COL24A1: variants seen among roughly 807,000 people sequenced by gnomAD.
COL24A1 encodes the protein collagen alpha-1(XXIV) chain.
A neutral mutation model predicts 253.9 loss-of-function variants in COL24A1; 224 were observed. The ratio of observed to expected loss-of-function variants is 0.88; its 90% CI spans 0.79 to 0.99. COL24A1 has a LOEUF of 0.99. Among genes scored for constraint, COL24A1 ranks in the 50% least tolerant of loss-of-function variants. COL24A1 has a pLI of 0.00. For synonymous variants in COL24A1, 685 were observed against 673.7 expected, an observed-to-expected ratio of 1.02 and a Z score of -0.26; for missense variants, 2,131 against 2,068.5, an observed-to-expected ratio of 1.03 and a Z score of -0.59.
At chr1:86,116,614 T>A (rs1014150164) in intron 3 of COL24A1, among the ~76,000 whole-genome samples, 1 of 152,092 alleles carries the variant, frequency 6.6e-6, no homozygotes, top group Non-Finnish European at 1.5e-5. Context: ...ATGAGTAAAT[T>A]ATGTTGAAAA....
chr1:85,994,908 C>T (rs1367599116), intron 19 of COL24A1, among the ~76,000 whole-genome samples: 1 of 152,076 alleles, frequency 6.6e-6, no homozygotes, highest in East Asian at 1.9e-4. Flanking sequence ...GATCTAAAAG[C>T]CATCAAAACC....
rs533437172 is a variant in COL24A1, at chr1:85,781,136, C to A, written c.4338+84G>T. On this transcript the variant is annotated intron_variant, in intron 52 of 59. Coordinates refer to ENST00000370571, the MANE Select transcript of COL24A1 (RefSeq NM_152890.7). ...TTTTTTCCATTTTCTTCTCAAATAC[C>A]CAGGCTAATTCTTTGTAGAATATTC... 8.1e-6 allele frequency: 8 copies of A among 993,286 alleles called. No homozygotes were observed. The African/African-American group carries it at 1.3e-4, about 17-fold the overall frequency. 61.5% of individuals were successfully genotyped at this position (993,286 alleles called of 1,614,324 possible).
intron 55 of COL24A1, among the ~76,000 whole-genome samples, chr1:85,748,481 A>C (rs1014022833): frequency 5.9e-5 from 9 of 152,258 alleles, no homozygotes; most frequent in African/African-American, 1.9e-4. Context: ...AGGCAAGTTA[A>C]AAAATGAAAT....
chr1:85,902,950 T>C (rs1377747773), intron 28 of COL24A1, among the ~76,000 whole-genome samples: 1 of 152,068 alleles, frequency 6.6e-6, no homozygotes, highest in African/African-American at 2.4e-5. Flanking sequence ...CTAAAGGTAA[T>C]GAATGAAATA....
chr1:86,046,664 T>A (rs537666907), intron 12 of COL24A1, among the ~76,000 whole-genome samples, 161 bp downstream of exon 12: 11 of 152,292 alleles, frequency 7.2e-5, no homozygotes, highest in African/African-American at 2.6e-4. Context: ...CTTTATATCC[T>A]CAGGTATTAT....
chr1:86,009,628 C>T (rs1179918509), intron 19 of COL24A1, among the ~76,000 whole-genome samples: 1 of 152,022 alleles, frequency 6.6e-6, no homozygotes, highest in Non-Finnish European at 1.5e-5. Flanking sequence ...GTATAGGGCA[C>T]TTACCATGAC....
intron 33 of COL24A1, among the ~76,000 whole-genome samples, chr1:85,875,716 G>GACAC (rs141827930): frequency 0.051 from 7,236 of 140,832 alleles, 202 homozygotes; most frequent in Middle Eastern, 0.076. Context: ...CATTATAAAA[G>GACAC]ACACACACAC....
chr1:85,837,554 G>C (rs553078454), intron 43 of COL24A1, among the ~76,000 whole-genome samples: 1 of 152,102 alleles, frequency 6.6e-6, no homozygotes, highest in Non-Finnish European at 1.5e-5. Context: ...AGAACTAGAC[G>C]TTGTACAAGA....
At chr1:85,953,606 T>C (rs1690145204) in intron 24 of COL24A1, among the ~76,000 whole-genome samples, 2 of 152,168 alleles carry the variant, frequency 1.3e-5, no homozygotes, top group Admixed American at 6.5e-5. Flanking sequence ...ATGAGAAAAA[T>C]ACTAGTTTTT....
At chr1:85,865,502 A>C (rs1679684887) in intron 37 of COL24A1, among the ~76,000 whole-genome samples, 1 of 152,044 alleles carries the variant, frequency 6.6e-6, no homozygotes, top group Admixed American at 6.5e-5. Flanking sequence ...AGCAGATGAA[A>C]TCTGTGTTTA....
intron 19 of COL24A1, among the ~76,000 whole-genome samples, chr1:86,002,101 G>T (rs1695472853): frequency 6.6e-6 from 1 of 152,242 alleles, no homozygotes; most frequent in African/African-American, 2.4e-5. Context: ...GAATTGGATT[G>T]TCTAAAGAGG....
intron 57 of COL24A1, 96 bp from the exon 58 acceptor site, chr1:85,737,601 T>C (rs933306321): frequency 2.2e-5 from 19 of 856,492 alleles, no homozygotes; most frequent in South Asian, 6.0e-5. Flanking sequence ...CTCATTCTGT[T>C]AGCCCAGGCT....
At chr1:85,933,095 A>AG (rs1488806158) in intron 24 of COL24A1, among the ~76,000 whole-genome samples, 22 of 92,484 alleles carry the variant, frequency 2.4e-4, no homozygotes, top group Non-Finnish European at 1.5e-4. Flanking sequence ...AATAAAAAAA[A>AG]AAAAAAGAAA....
In COL24A1 at chr1:86,017,147, T is replaced by A. The variant is rs1382177785; in HGVS notation, c.2310+4A>T. 1.9e-6 allele frequency: 3 copies of A among 1,595,532 alleles called. No individual in the cohort carries two copies. The highest frequency in any genetic ancestry group is 2.6e-6 in the Non-Finnish European group (3 of 1,172,754). On this transcript the variant is annotated splice_donor_region_variant and intron_variant, in intron 19 of 59. Coordinates refer to ENST00000370571, the MANE Select transcript of COL24A1 (RefSeq NM_152890.7). ...AATTTATTAACTTTCCACCAATATT[T>A]TACCTCTGGTCCTGGAGGGCCAGAT...
At chr1:85,777,634 A>C (rs1186295194) in intron 52 of COL24A1, among the ~76,000 whole-genome samples, 1 of 152,204 alleles carries the variant, frequency 6.6e-6, no homozygotes, top group Non-Finnish European at 1.5e-5. Flanking sequence ...AAGTCTTTGC[A>C]AAATTTCATT....
intron 57 of COL24A1, among the ~76,000 whole-genome samples, chr1:85,743,971 T>A (rs1664921888): frequency 6.6e-6 from 1 of 152,070 alleles, no homozygotes; most frequent in Non-Finnish European, 1.5e-5. Context: ...CAGAATAACA[T>A]AACATAGCTT....
intron 2 of COL24A1, among the ~76,000 whole-genome samples, chr1:86,133,251 G>T (rs1276237677): frequency 6.6e-6 from 1 of 152,062 alleles, no homozygotes; most frequent in Non-Finnish European, 1.5e-5. Context: ...GAGATTTGGG[G>T]CTGAGACGAT....
At chr1:85,770,207 T>C (rs1247940416) in intron 53 of COL24A1, among the ~76,000 whole-genome samples, 1 of 152,180 alleles carries the variant, frequency 6.6e-6, no homozygotes, top group East Asian at 1.9e-4. Context: ...AATATCCTTT[T>C]GTGATTCTTA....
intron 33 of COL24A1, 133 bp from the exon 34 acceptor site, chr1:85,875,463 C>T: frequency 3.1e-6 from 2 of 641,338 alleles, no homozygotes; most frequent in South Asian, 3.9e-5. Flanking sequence ...AACTTCATAG[C>T]ATAAGAGCAG....
Sources: allele counts gnomAD v4.1 joint callset (sites outside exome capture counted in the v4.1 genomes callset), GRCh38; gene constraint gnomAD v4.1.1; transcripts MANE v1.5; gene names NCBI Gene and HGNC (gene_info 2026-07-23, HGNC 2026-07-21).